The following MAML2 variants were observed in gnomAD, a reference collection of about 807,000 sequenced individuals.
MAML2 encodes the protein mastermind like transcriptional coactivator 2.
Under a neutral mutation model 96.1 loss-of-function variants are expected in MAML2, and 22 were observed. The observed-to-expected ratio is 0.23, with a 90% CI of 0.16 to 0.33. The LOEUF (loss-of-function observed/expected upper bound fraction) is 0.33, where lower values mean the gene tolerates loss of function less well. Ranked by LOEUF, MAML2 falls within the 10% of genes least tolerant of loss-of-function variation. The pLI, the probability that MAML2 is intolerant of heterozygous loss-of-function variation, is 1.00. For missense variants in MAML2, 1,367 were observed against 1,392.4 expected (o/e 0.98, Z 0.29); for synonymous variants, 561 against 521.3 (o/e 1.08, Z -1.04).
chr11:96,158,249 C>T (rs1415734069), intron 1 of MAML2, among the ~76,000 whole-genome samples: 1 of 152,188 alleles, frequency 6.6e-6, no homozygotes, highest in Non-Finnish European at 1.5e-5. Flanking sequence ...TCCTAATTCT[C>T]ATAGTCTGTT....
chr11:95,992,831 A>G (rs1161668797), intron 2 of MAML2, among the ~76,000 whole-genome samples: 1 of 152,022 alleles, frequency 6.6e-6, no homozygotes, highest in Non-Finnish European at 1.5e-5. Flanking sequence ...TGGTCCAGGG[A>G]ATATGCTTTG....
At chr11:96,223,282 A>G (rs1241659796) in intron 1 of MAML2, among the ~76,000 whole-genome samples, 1 of 152,170 alleles carries the variant, frequency 6.6e-6, no homozygotes, top group East Asian at 1.9e-4. Flanking sequence ...CAACCCCACA[A>G]CAGAATATTC....
chr11:96,234,900 C>A (rs762637342), intron 1 of MAML2, among the ~76,000 whole-genome samples: 9 of 152,162 alleles, frequency 5.9e-5, no homozygotes, highest in Non-Finnish European at 1.3e-4. Flanking sequence ...ATGGAACACC[C>A]TGTTGTGAAT....
At chr11:96,170,840 G>A (rs141406857) in intron 1 of MAML2, among the ~76,000 whole-genome samples, 9,042 of 152,064 alleles carry the variant, frequency 0.059, 369 homozygotes, top group South Asian at 0.1. Flanking sequence ...TCAGCCTCCC[G>A]AGTAGCTGGG....
intron 1 of MAML2, among the ~76,000 whole-genome samples, chr11:96,177,556 G>T (rs138026984): frequency 6.6e-6 from 1 of 152,172 alleles, no homozygotes; most frequent in Non-Finnish European, 1.5e-5. Context: ...ACAATGTGGT[G>T]GGGGATGGGT....
rs1289375839 is a variant in MAML2 at position 96,248,178 on chromosome 11, T to G, written c.513+93205A>C. Among the ~76,000 whole-genome samples, 4 of 149,684 alleles carry G rather than the reference T, an allele frequency of 2.7e-5. No homozygotes were observed. The East Asian group carries it at 7.9e-4, about 30-fold the overall frequency. ...CAGGCAACAGAGTGCAGTGGCATGATCTCCGCTCACTGCAGCCTCCATCTC... is the reference window on the plus strand; with the variant it reads ...CAGGCAACAGAGTGCAGTGGCATGAGCTCCGCTCACTGCAGCCTCCATCTC... On this transcript the variant is annotated intron_variant, in intron 1 of 4. Transcript: ENST00000524717.
chr11:96,052,344 T>G (rs1859001811), intron 2 of MAML2, among the ~76,000 whole-genome samples: 1 of 151,708 alleles, frequency 6.6e-6, no homozygotes, highest in South Asian at 2.1e-4. Flanking sequence ...ACATGGAAAT[T>G]GTCAGGTCTC....
intron 2 of MAML2, among the ~76,000 whole-genome samples, chr11:96,027,211 T>C (rs7118306): frequency 0.042 from 6,320 of 151,844 alleles, 301 homozygotes; most frequent in African/African-American, 0.12. Flanking sequence ...TGCATTCATT[T>C]ATTCATTCAT....
chr11:96,073,164 T>C (rs1859373856), intron 2 of MAML2, among the ~76,000 whole-genome samples: 1 of 152,204 alleles, frequency 6.6e-6, no homozygotes. Flanking sequence ...TTACATTCTT[T>C]GTGCTGTAAA....
At chr11:96,136,967 C>G (rs893976507) in intron 1 of MAML2, among the ~76,000 whole-genome samples, 6 of 152,102 alleles carry the variant, frequency 3.9e-5, no homozygotes, top group African/African-American at 1.4e-4. Flanking sequence ...AAGTATCTGC[C>G]AAAAATCACA....
At chr11:96,125,443 C>T (rs933225133) in intron 1 of MAML2, among the ~76,000 whole-genome samples, 3 of 152,254 alleles carry the variant, frequency 2.0e-5, no homozygotes, top group East Asian at 1.9e-4. Flanking sequence ...CGCTGGAAGG[C>T]TCTGACCCCC....
At chr11:96,185,976 C>G (rs1275717036) in intron 1 of MAML2, among the ~76,000 whole-genome samples, 1 of 152,124 alleles carries the variant, frequency 6.6e-6, no homozygotes, top group Admixed American at 6.5e-5. Context: ...GACTCCCAGC[C>G]CCTCCCCAGA....
chr11:96,121,398 C>T (rs1047787021), intron 1 of MAML2, among the ~76,000 whole-genome samples: 8 of 152,024 alleles, frequency 5.3e-5, no homozygotes, highest in African/African-American at 1.9e-4. Context: ...GACATGATTC[C>T]CCAGTAACAG....
chr11:96,151,949 ACTTATGCCTGTAAT>A (rs1860931162), intron 1 of MAML2, among the ~76,000 whole-genome samples: 1 of 152,222 alleles, frequency 6.6e-6, no homozygotes, highest in Non-Finnish European at 1.5e-5. Context: ...AGGCATAGTG[ACTTATGCCTGTAAT>A]CTTGGCACTT....
chr11:96,149,432 A>AAAAAAAAAAAAAAAAT (rs59453325), intron 1 of MAML2, among the ~76,000 whole-genome samples: 2 of 112,588 alleles, frequency 1.8e-5, no homozygotes, highest in Non-Finnish European at 3.5e-5. Context: ...AAAAAAAAAA[A>AAAAAAAAAAAAAAAAT]TGAGAAGTTA....
At chr11:96,069,095 T>C (rs942226713) in intron 2 of MAML2, among the ~76,000 whole-genome samples, 2 of 151,700 alleles carry the variant, frequency 1.3e-5, no homozygotes, top group African/African-American at 2.4e-5. Flanking sequence ...GCCCAGCTAG[T>C]TTTTAATTTT....
At chr11:96,153,620 T>C (rs1860962490) in intron 1 of MAML2, among the ~76,000 whole-genome samples, 1 of 152,058 alleles carries the variant, frequency 6.6e-6, no homozygotes, top group Non-Finnish European at 1.5e-5. Flanking sequence ...AAGGGAAAGT[T>C]AAAAATAGTG....
At chr11:96,020,282 A>G (rs1270936096) in intron 2 of MAML2, among the ~76,000 whole-genome samples, 1 of 152,146 alleles carries the variant, frequency 6.6e-6, no homozygotes, top group Non-Finnish European at 1.5e-5. Context: ...CTCATTTTTG[A>G]AAAGCAACTC....
intron 1 of MAML2, among the ~76,000 whole-genome samples, chr11:96,183,545 A>G (rs1861523744): frequency 6.6e-6 from 1 of 150,584 alleles, no homozygotes; most frequent in Non-Finnish European, 1.5e-5. Flanking sequence ...CCACAGGCAC[A>G]TGCCACCACA....
Sources: allele counts gnomAD v4.1 joint callset (sites outside exome capture counted in the v4.1 genomes callset), GRCh38; gene constraint gnomAD v4.1.1; transcripts MANE v1.5; gene names NCBI Gene and HGNC (gene_info 2026-07-23, HGNC 2026-07-21).